The following CCND3 variants were observed in gnomAD, a reference collection of about 807,000 sequenced individuals.
CCND3 encodes the protein G1/S-specific cyclin-D3.
CCND3 carries 9 observed loss-of-function variants against 28.7 expected under a neutral mutation model. The observed-to-expected ratio is 0.31, with a 90% CI of 0.19 to 0.55. The LOEUF (loss-of-function observed/expected upper bound fraction) is 0.55. CCND3 is among the 20% of genes least tolerant of loss of function. The pLI, the probability that CCND3 is intolerant of heterozygous loss-of-function variation, is 0.93. For synonymous variants in CCND3, 164 were observed against 163.9 expected, an observed-to-expected ratio of 1.00 and a Z score of 0.00; for missense variants, 315 against 385.8, an observed-to-expected ratio of 0.82 and a Z score of 1.54.
rs1181859546 is a variant in CCND3 at position 41,935,553 on chromosome 6, G to A, written c.*387C>T. The A allele has an allele frequency of 7.3e-6, 3 of 412,864 alleles. No homozygotes were observed. The highest frequency in any genetic ancestry group is 1.3e-5 in the Non-Finnish European group (3 of 229,088). 25.6% of individuals were successfully genotyped at this position (412,864 alleles called of 1,614,324 possible). On this transcript the variant is annotated 3_prime_UTR_variant, in exon 5 of 5. Transcript: ENST00000372991. ...CAATCCAAATGCAATAACCCTAGAA[G>A]GGACAACACCTTTAGAAGGCACTAG...
At chr6:42,027,439 CAAA>C (rs5875782) in intron 1 of CCND3, among the ~76,000 whole-genome samples, 1 of 132,160 alleles carries the variant, frequency 7.6e-6, no homozygotes, top group African/African-American at 2.8e-5. Flanking sequence ...GGCTCCATCT[CAAA>C]AAAAAAAAAA....
intron 1 of CCND3, among the ~76,000 whole-genome samples, chr6:42,038,576 A>C (rs1021738241): frequency 6.6e-6 from 1 of 152,046 alleles, no homozygotes; most frequent in Non-Finnish European, 1.5e-5. Flanking sequence ...AGGGCATATC[A>C]AAAATAATCA....
chr6:41,983,894 T>C (rs566795370), intron 1 of CCND3, among the ~76,000 whole-genome samples: 44 of 152,212 alleles, frequency 2.9e-4, no homozygotes, highest in African/African-American at 1.0e-3. Context: ...ACAATAGATC[T>C]CTGAATCTAT....
At chr6:42,010,749 G>T (rs915296368) in intron 1 of CCND3, 5 of 152,204 alleles carry the variant, frequency 3.3e-5, no homozygotes, top group Non-Finnish European at 7.3e-5. Flanking sequence ...CAGATAGGTT[G>T]GGACCTGCTC....
upstream of CCND3, among the ~76,000 whole-genome samples, chr6:41,943,801 T>G (rs1776102623): frequency 6.6e-6 from 1 of 152,230 alleles, no homozygotes; most frequent in African/African-American, 2.4e-5. Flanking sequence ...TTATTAGTAA[T>G]AATAAATCTA....
At chr6:42,027,650 C>G (rs998922500) in intron 1 of CCND3, among the ~76,000 whole-genome samples, 3 of 152,136 alleles carry the variant, frequency 2.0e-5, no homozygotes, top group African/African-American at 7.2e-5. Context: ...AGTGTGTGGG[C>G]TTAACACCAG....
upstream of CCND3, chr6:41,941,834 T>A: frequency 3.6e-6 from 1 of 278,120 alleles, no homozygotes; most frequent in Non-Finnish European, 6.6e-6. The surrounding 1 kb of genome is among the most constrained non-coding windows in gnomAD (Gnocchi z 6.1). Context: ...CGCGACGATG[T>A]AGCAACCGTG....
At chr6:41,942,963 C>G (rs1242201623), upstream of CCND3, among the ~76,000 whole-genome samples, 2 of 149,918 alleles carry the variant, frequency 1.3e-5, no homozygotes, top group East Asian at 3.9e-4. Flanking sequence ...ACTGCAACCT[C>G]CACCTCCCGG....
chr6:41,981,499 GGCCATGAGCCACCACGCCCA>G (rs1421559211), intron 1 of CCND3, among the ~76,000 whole-genome samples: 2 of 96,128 alleles, frequency 2.1e-5, no homozygotes, highest in African/African-American at 6.0e-5. Context: ...CACCACGCCC[GGCCATGAGCCACCACGCCCA>G]GCCTATTTAT....
At chr6:41,981,419 G>T (rs990089380) in intron 1 of CCND3, among the ~76,000 whole-genome samples, 1 of 152,016 alleles carries the variant, frequency 6.6e-6, no homozygotes, top group Non-Finnish European at 1.5e-5. Context: ...TGGCCAGGCT[G>T]GTCTGGAGCT....
At chr6:41,940,675 G>T in intron 1 of CCND3, 90 bp from the exon 2 acceptor site, 2 of 921,098 alleles carry the variant, frequency 2.2e-6, no homozygotes, top group East Asian at 4.9e-5. Flanking sequence ...GTGGGATAGG[G>T]AGCAAAAACG....
At chr6:42,015,691 C>T (rs1238187834) in intron 1 of CCND3, among the ~76,000 whole-genome samples, 1 of 150,874 alleles carries the variant, frequency 6.6e-6, no homozygotes, top group Non-Finnish European at 1.5e-5. Context: ...GCCTGGGCAA[C>T]AAAGCAAGAC....
At chr6:42,011,434 T>C (rs887428995) in intron 1 of CCND3, among the ~76,000 whole-genome samples, 2 of 152,130 alleles carry the variant, frequency 1.3e-5, no homozygotes, top group Non-Finnish European at 2.9e-5. Flanking sequence ...TAACTGGGAA[T>C]TTATTAAAGA....
Position 42,000,234 on chromosome 6 carries a change from C to CG in CCND3, c.-46+48266_-46+48267insC, listed in dbSNP as rs1762951898. Among the ~76,000 whole-genome samples, 8 of 51,010 alleles carry CG rather than the reference C, an allele frequency of 1.6e-4. 1 individual carries two copies. Among genetic ancestry groups the CG allele is most frequent in the Non-Finnish European group, 2.2e-4 (7 of 31,692 alleles). The allele number at this position is 51,010 out of a possible 152,430, so 33.5% of individuals were successfully genotyped here. A position where few individuals can be genotyped will look rare whatever the true frequency, so the allele number is the denominator to read the frequency against. ...AGTCTCGTGGAAATTTGAAAACATA[C>CG]TTTTTTTTTTTTTTTTTTTTTTTTT... is the stretch of plus-strand genomic sequence containing the variant. On this transcript the variant is annotated intron_variant, in intron 1 of 4. Transcript: ENST00000372988.
At chr6:42,000,596 TCA>T (rs1424906378) in intron 1 of CCND3, among the ~76,000 whole-genome samples, 1 of 87,682 alleles carries the variant, frequency 1.1e-5, no homozygotes. Context: ...AGACGGAGTT[TCA>T]CTCTTGTTGC....
intron 1 of CCND3, among the ~76,000 whole-genome samples, chr6:42,033,475 T>C (rs1037225361): frequency 1.3e-5 from 1 of 76,068 alleles, no homozygotes; most frequent in Non-Finnish European, 2.5e-5. Context: ...TATATGTGTA[T>C]ATATATGCAC....
At chr6:41,945,291 A>C (rs1776140041), upstream of CCND3, among the ~76,000 whole-genome samples, 1 of 152,184 alleles carries the variant, frequency 6.6e-6, no homozygotes, top group Non-Finnish European at 1.5e-5. Flanking sequence ...AGACGGGTGG[A>C]TCACCTGAAG....
intron 1 of CCND3, among the ~76,000 whole-genome samples, chr6:41,949,059 A>G (rs976255727): frequency 6.6e-6 from 1 of 151,948 alleles, no homozygotes; most frequent in Non-Finnish European, 1.5e-5. Context: ...CCAAGATAAT[A>G]TTTCTTAGAT....
Position 41,940,466 on chromosome 6 carries a change from G to A in CCND3, c.318C>T (p.Cys106=), listed in dbSNP as rs1191493451. 1 of 1,614,142 alleles carries A rather than the reference G, an allele frequency of 6.2e-7. No individual in the cohort carries two copies. The highest frequency in any genetic ancestry group is 1.3e-5 in the African/African-American group (1 of 75,022). Residue 106 remains cysteine, a synonymous_variant, in exon 2 of 5, where the codon TGC becomes TGT. Coordinates refer to ENST00000372991, the MANE Select transcript of CCND3 (RefSeq NM_001760.5). ...KAQLQLLGAV[C]MLLASKLRET... is the part of the protein sequence containing the mutation. ...CGCGCAGCTTGGAGGCCAGCAGCAT[G>A]CAGACCGCACCCAGGAGCTGCAACT...
Sources: gnomAD v4.1 joint callset for allele counts (sites outside exome capture counted in the v4.1 genomes callset) on GRCh38, gnomAD v4.1.1 for gene constraint, Gnocchi (gnomAD v3.1) non-coding constraint, MANE v1.5 for transcripts, NCBI Gene and HGNC (gene_info 2026-07-23, HGNC 2026-07-21) for gene names.